LPA: variants seen among roughly 807,000 people sequenced by gnomAD.
LPA encodes the protein lipoprotein(a), also known as apolipoprotein(a).
LPA carries 199 observed loss-of-function variants against 197.9 expected under a neutral mutation model. That is an observed-to-expected ratio of 1.01 (90% CI 0.90 to 1.13). The LOEUF (loss-of-function observed/expected upper bound fraction) is 1.13. LPA is among the 50% of genes most tolerant of loss of function. The pLI, the probability that LPA is intolerant of heterozygous loss-of-function variation, is 0.00. For synonymous variants in LPA, 715 were observed against 639.5 expected, an observed-to-expected ratio of 1.12 and a Z score of -1.78; for missense variants, 1,853 against 1,785.8, an observed-to-expected ratio of 1.04 and a Z score of -0.68.
intron 33 of LPA, among the ~76,000 whole-genome samples, chr6:160,544,910 C>A (rs1041726124): frequency 6.6e-6 from 1 of 152,158 alleles, no homozygotes; most frequent in African/African-American, 2.4e-5. Context: ...AGCAATGTCG[C>A]TAATGGGACT....
At position 160,552,578 on chromosome 6, in the gene LPA, C is replaced by G. The variant is rs999290237; in HGVS notation, c.4973+3447G>C. ...AGAAAAAGTTTTTGCACATTGAGCA[C>G]GTATATACTTTTGTTTCTTCAATTT... On this transcript the variant is annotated intron_variant, in intron 30 of 38. Coordinates refer to ENST00000316300, the MANE Select transcript of LPA (RefSeq NM_005577.4). Among the ~76,000 whole-genome samples, 3 of 152,134 alleles carry G rather than the reference C, an allele frequency of 2.0e-5. No homozygotes were observed. In the South Asian group the frequency reaches 6.2e-4, roughly 32 times the overall value.
At chr6:160,598,091 CA>C (rs1779167306) in intron 20 of LPA, among the ~76,000 whole-genome samples, 1 of 152,200 alleles carries the variant, frequency 6.6e-6, no homozygotes, top group Admixed American at 6.5e-5. Flanking sequence ...CCAAGATTTT[CA>C]ATGAGGTCTC....
chr6:160,565,922 G>C (rs1280157103), intron 28 of LPA, among the ~76,000 whole-genome samples: 2 of 151,964 alleles, frequency 1.3e-5, no homozygotes, highest in Non-Finnish European at 2.9e-5. Flanking sequence ...TGGAAGAAAG[G>C]GTATCAGTGA....
intron 35 of LPA, among the ~76,000 whole-genome samples, chr6:160,540,398 T>C (rs1215313600): frequency 6.6e-6 from 1 of 152,222 alleles, no homozygotes; most frequent in Non-Finnish European, 1.5e-5. Context: ...GTTTGTATAT[T>C]TGTCCCCACC....
intron 18 of LPA, among the ~76,000 whole-genome samples, chr6:160,602,449 CT>C (rs1446666132): frequency 1.3e-5 from 2 of 152,152 alleles, no homozygotes. Context: ...AAATTTTTAC[CT>C]CTACATATGC....
intron 28 of LPA, among the ~76,000 whole-genome samples, chr6:160,573,266 C>A (rs1778594765): frequency 6.6e-6 from 1 of 152,140 alleles, no homozygotes; most frequent in Non-Finnish European, 1.5e-5. Context: ...AAAGGTGTGT[C>A]CAAAGTCTAC....
In LPA at chr6:160,611,529, T is replaced by C. The variant is rs757206441; in HGVS notation, c.2603+33A>G. 4.4e-6 allele frequency: 7 copies of C among 1,607,108 alleles called. No homozygotes were observed. The Admixed American group carries it at 1.2e-4, about 27-fold the overall frequency. On this transcript the variant is annotated intron_variant, in intron 16 of 38. Transcript: ENST00000316300. Reference sequence around the variant, plus strand: ...TTGTCACAGAAACTTCAGTTGGCCCTTTATTCTCTTATGGTAAAGAACAAA... The same window carrying C: ...TTGTCACAGAAACTTCAGTTGGCCCCTTATTCTCTTATGGTAAAGAACAAA...
chr6:160,601,171 C>G, intron 18 of LPA, 73 bp from the exon 19 acceptor site: 1 of 1,368,266 alleles, frequency 7.3e-7, no homozygotes, highest in South Asian at 1.2e-5. Flanking sequence ...TTTGCTACAA[C>G]AAGGTCATTA....
In LPA at chr6:160,540,094, C is replaced by A. The variant is rs2114997673; in HGVS notation, c.5684G>T (p.Arg1895Met). The A allele has an allele frequency of 6.2e-7, 1 of 1,614,090 alleles. No individual in the cohort carries two copies. Among genetic ancestry groups the A allele is most frequent in the Non-Finnish European group, 8.5e-7 (1 of 1,180,022 alleles). The change falls in exon 36 of 39, where the codon AGG (arginine) becomes ATG (methionine). Residue 1895 changes from arginine to methionine, a missense_variant. Arg to Met is a moderately conservative substitution (Grantham distance 91, BLOSUM62 -1). Around this residue, in one of 3 missense-constraint regions of LPA, gnomAD observed 1,737 missense variants for 1,504.4 expected, o/e 1.15. Coordinates refer to ENST00000316300, the MANE Select transcript of LPA (RefSeq NM_005577.4). ...TGCTTGTGTGGGCTCCAAGAACAGCCTAGACACTTCTATTTCCTGAACATG... is the reference window on the plus strand; with the variant it reads ...TGCTTGTGTGGGCTCCAAGAACAGCATAGACACTTCTATTTCCTGAACATG... ...ESHVQEIEVS[R>M]LFLEPTQADI...
chr6:160,646,647 ACT>A (rs1195892753), intron 2 of LPA, among the ~76,000 whole-genome samples: 1 of 120,832 alleles, frequency 8.3e-6, no homozygotes. Flanking sequence ...TCTTAGAAAC[ACT>A]GAGATAACAC....
intron 30 of LPA, among the ~76,000 whole-genome samples, chr6:160,550,760 G>C (rs1778154665): frequency 6.6e-6 from 1 of 152,136 alleles, no homozygotes; most frequent in African/African-American, 2.4e-5. Context: ...TACCTTTCTG[G>C]AACCTTACAT....
intron 2 of LPA, among the ~76,000 whole-genome samples, chr6:160,647,420 G>C (rs929049444): frequency 6.6e-6 from 1 of 152,028 alleles, no homozygotes; most frequent in Non-Finnish European, 1.5e-5. Context: ...ATGTATTATG[G>C]GCCATGGGGA....
In LPA at chr6:160,611,510, C is replaced by A. The variant is rs555423391; in HGVS notation, c.2603+52G>T. 52 of 1,602,710 alleles carry A rather than the reference C, an allele frequency of 3.2e-5. No individual in the cohort carries two copies. The African/African-American group carries it at 5.3e-4, about 16-fold the overall frequency. On this transcript the variant is annotated intron_variant, in intron 16 of 38. Transcript: ENST00000316300. ...TCAGCTTGAAGCATGTCTCTTGTCA[C>A]AGAAACTTCAGTTGGCCCTTTATTC...
chr6:160,653,966 TTATATATAA>T (rs1562354363), intron 1 of LPA, among the ~76,000 whole-genome samples: 419 of 28,054 alleles, frequency 0.015, 20 homozygotes, highest in Non-Finnish European at 0.021. Context: ...ATAATATATA[TTATATATAA>T]TATATAATAT....
At chr6:160,606,443 G>C (rs756852405) in intron 17 of LPA, 34 bp downstream of exon 17, 1 of 1,610,752 alleles carries the variant, frequency 6.2e-7, no homozygotes, top group East Asian at 2.2e-5. Flanking sequence ...TCCCAGCATC[G>C]AAACGTGTAG....
intron 28 of LPA, among the ~76,000 whole-genome samples, chr6:160,558,132 G>A (rs1289525483): frequency 1.3e-5 from 2 of 152,010 alleles, no homozygotes; most frequent in Non-Finnish European, 2.9e-5. Flanking sequence ...TGTTAGCCAG[G>A]ATGGTCTCAA....
At chr6:160,573,821 G>C (rs995908510) in intron 28 of LPA, among the ~76,000 whole-genome samples, 8 of 152,194 alleles carry the variant, frequency 5.3e-5, no homozygotes, top group African/African-American at 1.9e-4. Flanking sequence ...TGTTCTGGTG[G>C]AGGTGGAGGA....
intron 28 of LPA, among the ~76,000 whole-genome samples, chr6:160,568,314 G>T (rs1430873714): frequency 6.6e-6 from 1 of 151,920 alleles, no homozygotes. Context: ...TTTATCCCTG[G>T]GATGCAAGGC....
intron 28 of LPA, among the ~76,000 whole-genome samples, chr6:160,572,296 G>T (rs374139325): frequency 1.4e-5 from 2 of 144,924 alleles, no homozygotes; most frequent in South Asian, 4.4e-4. Context: ...CACGGGGAGC[G>T]GCAGACTGGA....
Sources: gnomAD v4.1 joint callset for allele counts (sites outside exome capture counted in the v4.1 genomes callset) on GRCh38, gnomAD v4.1.1 for gene constraint, gnomAD v4.1.1 regional missense constraint, MANE v1.5 for transcripts, NCBI Gene and HGNC (gene_info 2026-07-23, HGNC 2026-07-21) for gene names.